The following PRKCH variants were observed in gnomAD, a reference collection of about 807,000 sequenced individuals.
The protein encoded by PRKCH is protein kinase C eta.
In PRKCH, 28 loss-of-function variants were observed where a neutral mutation model predicts 82.5. The ratio of observed to expected loss-of-function variants is 0.34; its 90% CI spans 0.25 to 0.47. The LOEUF is 0.47. Ranked by LOEUF, PRKCH falls within the 20% of genes least tolerant of loss-of-function variation. The probability of loss-of-function intolerance (pLI) is 1.00; values close to 1 mark genes in which losing one functional copy is unlikely to be tolerated. For synonymous variants in PRKCH, 322 were observed against 327.4 expected (o/e 0.98, Z 0.18); for missense variants, 705 against 881.8 (o/e 0.80, Z 2.54).
chr14:61,277,755 T>C (rs914211880), intron 1 of PRKCH: 32 of 152,242 alleles, frequency 2.1e-4, no homozygotes, highest in African/African-American at 6.0e-4. Context: ...TTGAGGTTGA[T>C]AAAGTATTGA....
At position 61,233,715 on chromosome 14, in the gene PRKCH, G is replaced by C. The variant is rs76637526; in HGVS notation, c.-19+46047G>C. The stretch of plus-strand genomic sequence containing the variant: ...CACGAGATCTGATGGTTTTATAAGG[G>C]GCTTTTCCCCTTGAGCTTGACACTT... On this transcript the variant is annotated intron_variant, in intron 1 of 3. Transcript: ENST00000555185. Among the ~76,000 whole-genome samples, 360 of 152,192 alleles carry C rather than the reference G, an allele frequency of 2.4e-3. 2 individuals carry two copies. The highest frequency in any genetic ancestry group is 3.6e-3 in the Non-Finnish European group (245 of 67,996).
intron 10 of PRKCH, among the ~76,000 whole-genome samples, chr14:61,526,780 C>G (rs1471286700): frequency 6.6e-6 from 1 of 152,266 alleles, no homozygotes; most frequent in Admixed American, 6.5e-5. Context: ...GAGGAGACGC[C>G]ACAGCGAGGG....
In PRKCH at chr14:61,457,506, G is replaced by C; in HGVS notation, c.1105G>C (p.Val369Leu). ...RVLGKGSFGK[V>L]MLARVKETGD... The stretch of plus-strand genomic sequence containing the variant: ...GCTCCCTCCTTTTGCTTTGCCATAG[G>C]TGATGCTTGCAAGAGTAAAAGAAAC... Residue 369 changes from valine (V) to leucine (L), a missense_variant and splice_region_variant, in exon 9 of 14, where the codon GTG becomes CTG. Around this residue, in one of 5 missense-constraint regions of PRKCH, gnomAD observed 238 missense variants for 258.1 expected, o/e 0.92. Coordinates refer to ENST00000332981, the MANE Select transcript of PRKCH (RefSeq NM_006255.5). 1 of 1,613,952 alleles carries C rather than the reference G, an allele frequency of 6.2e-7. No individual in the cohort carries two copies. The highest frequency in any genetic ancestry group is 8.5e-7 in the Non-Finnish European group (1 of 1,179,902).
intron 12 of PRKCH, among the ~76,000 whole-genome samples, chr14:61,534,102 C>A (rs569433751): frequency 6.6e-6 from 1 of 152,244 alleles, no homozygotes; most frequent in South Asian, 2.1e-4. Flanking sequence ...TCAATTGGGG[C>A]CTTTGTGCAC....
At chr14:61,412,529 T>C (rs1486684974) in intron 2 of PRKCH, among the ~76,000 whole-genome samples, 1 of 152,190 alleles carries the variant, frequency 6.6e-6, no homozygotes, top group African/African-American at 2.4e-5. Flanking sequence ...GGGTCATCCC[T>C]GCAGTGCTAA....
intron 1 of PRKCH, among the ~76,000 whole-genome samples, chr14:61,378,202 C>CT (rs1234166088): frequency 2.4e-4 from 36 of 147,080 alleles, no homozygotes; most frequent in East Asian, 9.7e-4. Context: ...TCTCCTAGGG[C>CT]TTTTTTTTTC....
chr14:61,514,382 C>T (rs2042791808), intron 10 of PRKCH, among the ~76,000 whole-genome samples: 1 of 151,204 alleles, frequency 6.6e-6, no homozygotes, highest in Admixed American at 6.6e-5. Context: ...CAGGCAGTCA[C>T]CAAGCAGGGC....
Position 61,461,069 on chromosome 14 carries a change from G to A in PRKCH, c.1278+3390G>A, listed in dbSNP as rs189679349. Among the ~76,000 whole-genome samples, 11 of 152,218 alleles carry A rather than the reference G, an allele frequency of 7.2e-5. No homozygotes were observed. The East Asian group carries it at 9.7e-4, about 13-fold the overall frequency. On this transcript the variant is annotated intron_variant, in intron 9 of 13. Coordinates refer to ENST00000332981, the MANE Select transcript of PRKCH (RefSeq NM_006255.5). ...GGCAGCTAATGGCTTCGTGGGCCTC[G>A]GCTCCCCTGCGCGCCTCTCCCTTCC...
intron 10 of PRKCH, among the ~76,000 whole-genome samples, chr14:61,488,752 T>C (rs1213340648): frequency 1.3e-5 from 2 of 152,194 alleles, no homozygotes; most frequent in Non-Finnish European, 2.9e-5. Context: ...CGCCCCTCAG[T>C]CTACTTGTCT....
chr14:61,269,497 T>C (rs1356498670), intron 1 of PRKCH, among the ~76,000 whole-genome samples: 1 of 152,184 alleles, frequency 6.6e-6, no homozygotes, highest in Admixed American at 6.5e-5. Context: ...CTATTTTTCC[T>C]GATCCTCTCC....
intron 1 of PRKCH, among the ~76,000 whole-genome samples, chr14:61,333,052 G>A (rs959655321): frequency 1.3e-5 from 2 of 152,184 alleles, no homozygotes; most frequent in African/African-American, 2.4e-5. Flanking sequence ...ATTTTGGGAA[G>A]CGCACCCAAA....
intron 9 of PRKCH, among the ~76,000 whole-genome samples, chr14:61,478,453 C>G (rs1212398418): frequency 6.6e-6 from 1 of 152,152 alleles, no homozygotes; most frequent in Admixed American, 6.5e-5. Flanking sequence ...GATTGAGATT[C>G]TTTTCTGGGC....
intron 2 of PRKCH, among the ~76,000 whole-genome samples, chr14:61,432,753 T>G (rs1214960644): frequency 1.3e-5 from 2 of 152,204 alleles, no homozygotes; most frequent in Admixed American, 1.3e-4. Flanking sequence ...AAAGAATACA[T>G]GACTTCCAGA....
intron 1 of PRKCH, among the ~76,000 whole-genome samples, chr14:61,193,867 T>C (rs1176658483): frequency 4.6e-5 from 7 of 152,230 alleles, no homozygotes; most frequent in Admixed American, 2.0e-4. Flanking sequence ...ACAAAGTATC[T>C]TCTTTCTGTC....
intron 1 of PRKCH, among the ~76,000 whole-genome samples, chr14:61,352,703 A>AAAGAAAGAAAGAAAGG (rs2046097465): frequency 6.7e-6 from 1 of 148,498 alleles, no homozygotes; most frequent in African/African-American, 2.5e-5. Flanking sequence ...AGAAAGAAAG[A>AAAGAAAGAAAGAAAGG]AAGAAAGAAA....
intron 1 of PRKCH, among the ~76,000 whole-genome samples, chr14:61,327,580 G>T (rs1307102798): frequency 1.3e-5 from 2 of 152,220 alleles, no homozygotes; most frequent in Non-Finnish European, 2.9e-5. Context: ...TTGTGGCTCA[G>T]ATATTTTCCC....
chr14:61,393,436 G>T (rs769607395), intron 2 of PRKCH, among the ~76,000 whole-genome samples: 2 of 152,160 alleles, frequency 1.3e-5, no homozygotes, highest in Non-Finnish European at 2.9e-5. Context: ...CCGTGGACAT[G>T]GTCTTTGCTC....
chr14:61,207,631 T>C (rs1042694689), intron 1 of PRKCH, among the ~76,000 whole-genome samples: 5 of 151,644 alleles, frequency 3.3e-5, no homozygotes, highest in African/African-American at 7.3e-5. Flanking sequence ...TAAGAGCTAC[T>C]ATTTATTGGG....
intron 1 of PRKCH, among the ~76,000 whole-genome samples, chr14:61,353,024 C>G (rs2046102994): frequency 6.6e-6 from 1 of 152,178 alleles, no homozygotes; most frequent in Non-Finnish European, 1.5e-5. Context: ...GATATTCACA[C>G]TAAGTGGGGT....
Sources: gnomAD v4.1 joint callset for allele counts (sites outside exome capture counted in the v4.1 genomes callset) on GRCh38, gnomAD v4.1.1 for gene constraint, gnomAD v4.1.1 regional missense constraint, MANE v1.5 for transcripts, NCBI Gene and HGNC (gene_info 2026-07-23, HGNC 2026-07-21) for gene names.